The following DNAJC5B variants were observed in gnomAD, a reference collection of about 807,000 sequenced individuals.
DNAJC5B encodes the protein DnaJ heat shock protein family (Hsp40) member C5 beta, also known as dnaJ homolog subfamily C member 5B.
A neutral mutation model predicts 24.7 loss-of-function variants in DNAJC5B; 23 were observed. That is an observed-to-expected ratio of 0.93 (90% CI 0.67 to 1.32). The LOEUF (loss-of-function observed/expected upper bound fraction) is 1.32, where lower values mean the gene tolerates loss of function less well. Among genes scored for constraint, DNAJC5B ranks in the 40% most tolerant of loss-of-function variants. The probability of loss-of-function intolerance (pLI) is 0.00; values close to 1 mark genes in which losing one functional copy is unlikely to be tolerated. For synonymous variants in DNAJC5B, 101 were observed against 90.1 expected (o/e 1.12, Z -0.68); for missense variants, 238 against 240.8 (o/e 0.99, Z 0.08).
chr8:66,072,401 TAAC>T (rs1035293388), intron 3 of DNAJC5B, among the ~76,000 whole-genome samples: 1 of 151,986 alleles, frequency 6.6e-6, no homozygotes, highest in Admixed American at 6.6e-5. Context: ...ACAAAACAAT[TAAC>T]AAACAAAATC....
chr8:66,051,357 C>T (rs1563594964), intron 2 of DNAJC5B, among the ~76,000 whole-genome samples, 174 bp from the exon 3 acceptor site: 1 of 152,180 alleles, frequency 6.6e-6, no homozygotes, highest in Admixed American at 6.5e-5. Flanking sequence ...CTTTAACACC[C>T]TGATTCAGAG....
At chr8:66,052,118 A>ATT (rs748199400) in intron 3 of DNAJC5B, among the ~76,000 whole-genome samples, 13 of 136,326 alleles carry the variant, frequency 9.5e-5, no homozygotes, top group East Asian at 6.3e-4. Flanking sequence ...CACCCAGCTA[A>ATT]TTTTTTTTTT....
intron 2 of DNAJC5B, 32 bp from the exon 3 acceptor site, chr8:66,051,499 C>A: frequency 7.6e-7 from 1 of 1,312,062 alleles, no homozygotes; most frequent in Non-Finnish European, 1.1e-6. Flanking sequence ...AAGTAGTGTG[C>A]ATAACCTTCA....
At chr8:66,093,810 A>G (rs577902713) in intron 5 of DNAJC5B, among the ~76,000 whole-genome samples, 1 of 152,296 alleles carries the variant, frequency 6.6e-6, no homozygotes, top group South Asian at 2.1e-4. Context: ...TCAAACATAT[A>G]AAGATGTTCT....
chr8:66,048,544 A>C (rs967071734), intron 2 of DNAJC5B, among the ~76,000 whole-genome samples: 3 of 152,174 alleles, frequency 2.0e-5, no homozygotes, highest in Non-Finnish European at 4.4e-5. Context: ...TGGGTAGGGC[A>C]GGGGACCAGT....
intron 2 of DNAJC5B, among the ~76,000 whole-genome samples, chr8:66,044,852 T>C (rs1249174893): frequency 6.6e-6 from 1 of 152,206 alleles, no homozygotes; most frequent in Non-Finnish European, 1.5e-5. Flanking sequence ...AATAAAGACT[T>C]GAAATTTGCA....
rs1808057825 is a variant in DNAJC5B at position 66,100,785 on chromosome 8, C to A, written c.*754C>A. ...TTTTTGTATAACTGGCTCAGATTAG[C>A]CAGACTAAGGGAAAAAAAACAGATG... On this transcript the variant is annotated 3_prime_UTR_variant, in exon 6 of 6. Transcript: ENST00000276570. 6.6e-6 allele frequency among the ~76,000 whole-genome samples: 1 copy of A among 151,992 alleles called. No homozygotes were observed. Among genetic ancestry groups the A allele is most frequent in the South Asian group, 2.1e-4 (1 of 4,830 alleles).
intron 1 of DNAJC5B, among the ~76,000 whole-genome samples, chr8:66,033,887 G>T (rs1806415914): frequency 6.7e-6 from 1 of 149,514 alleles, no homozygotes; most frequent in African/African-American, 2.5e-5. Context: ...AAGAGAATTT[G>T]GATGGTGTCC....
At chr8:66,096,878 T>G (rs916381947) in intron 5 of DNAJC5B, among the ~76,000 whole-genome samples, 21 of 152,294 alleles carry the variant, frequency 1.4e-4, no homozygotes, top group Middle Eastern at 6.8e-3. Context: ...TCTACTAACC[T>G]ACTTTTCGTG....
intron 5 of DNAJC5B, among the ~76,000 whole-genome samples, chr8:66,088,583 T>A (rs1347297151): frequency 6.6e-6 from 1 of 152,122 alleles, no homozygotes; most frequent in African/African-American, 2.4e-5. Context: ...TTTCAAACCA[T>A]CTCTTTGTGA....
intron 5 of DNAJC5B, among the ~76,000 whole-genome samples, chr8:66,089,760 G>A (rs1043529175): frequency 6.6e-6 from 1 of 152,126 alleles, no homozygotes; most frequent in East Asian, 1.9e-4. Flanking sequence ...GTATAATCCA[G>A]CTTCTACCTT....
At chr8:66,080,299 G>A in intron 4 of DNAJC5B, 78 bp from the exon 5 acceptor site, 4 of 1,555,446 alleles carry the variant, frequency 2.6e-6, no homozygotes, top group South Asian at 1.2e-5. Flanking sequence ...GGGTACCTGG[G>A]TACAGACTTG....
At chr8:66,086,906 T>C (rs1332871769) in intron 5 of DNAJC5B, among the ~76,000 whole-genome samples, 3 of 152,208 alleles carry the variant, frequency 2.0e-5, no homozygotes, top group African/African-American at 7.2e-5. Context: ...AAAACTGATA[T>C]GGGGCAATCT....
rs547465569 is a variant in DNAJC5B at position 66,077,513 on chromosome 8, T to C, written c.333+640T>C. On this transcript the variant is annotated intron_variant, in intron 4 of 5. Transcript: ENST00000276570. ...AATTTTGTTTGGTTTCCTAGGAATCTCTAGTATATATATGTTTGGTGATGG... is the reference window on the plus strand; with the variant it reads ...AATTTTGTTTGGTTTCCTAGGAATCCCTAGTATATATATGTTTGGTGATGG... 1.5e-3 allele frequency among the ~76,000 whole-genome samples: 225 copies of C among 152,302 alleles called. 1 individual carries two copies. In the Middle Eastern group the frequency reaches 0.017, roughly 12 times the overall value.
intron 1 of DNAJC5B, among the ~76,000 whole-genome samples, chr8:66,037,475 A>C (rs1450377209): frequency 6.6e-6 from 1 of 152,074 alleles, no homozygotes; most frequent in Non-Finnish European, 1.5e-5. Flanking sequence ...TGGGCAGCAG[A>C]GGGAGATGCT....
Position 66,095,638 on chromosome 8 carries a change from T to C in DNAJC5B, c.506-4299T>C, listed in dbSNP as rs571323340. On this transcript the variant is annotated intron_variant, in intron 5 of 5. Coordinates refer to ENST00000276570, the MANE Select transcript of DNAJC5B (RefSeq NM_033105.6). ...TAAGACTATAAATTTTGAATTTTCT[T>C]ATAAGTTATACTTTAGCTTGACACA... 7.1e-4 allele frequency among the ~76,000 whole-genome samples: 105 copies of C among 148,570 alleles called. 1 individual carries two copies. Among genetic ancestry groups the C allele is most frequent in the African/African-American group, 2.6e-3 (105 of 40,048 alleles).
At chr8:66,041,577 C>T (rs1390381949) in intron 1 of DNAJC5B, among the ~76,000 whole-genome samples, 2 of 152,200 alleles carry the variant, frequency 1.3e-5, no homozygotes, top group East Asian at 3.8e-4. Context: ...CTTAAGTTTC[C>T]TGCCTCAGAG....
intron 3 of DNAJC5B, among the ~76,000 whole-genome samples, chr8:66,074,722 T>G (rs1807424245): frequency 6.6e-6 from 1 of 152,242 alleles, no homozygotes; most frequent in African/African-American, 2.4e-5. Context: ...CCTTGCTCTA[T>G]GGACAACATG....
rs531338117 is a variant in DNAJC5B at position 66,038,791 on chromosome 8, C to G, written c.-141-4697C>G. ...TTTATGTTTTGTCAAACAAATACAT[C>G]TGTTTGACCTGAAGCCTCCTTGGTT... On this transcript the variant is annotated intron_variant, in intron 1 of 5. Transcript: ENST00000276570. 3.3e-5 allele frequency among the ~76,000 whole-genome samples: 5 copies of G among 152,276 alleles called. No homozygotes were observed. In the South Asian group the frequency reaches 1.0e-3, roughly 32 times the overall value.
Sources: gnomAD v4.1 joint callset for allele counts (sites outside exome capture counted in the v4.1 genomes callset) on GRCh38, gnomAD v4.1.1 for gene constraint, MANE v1.5 for transcripts, NCBI Gene and HGNC (gene_info 2026-07-23, HGNC 2026-07-21) for gene names.